L3MBTL4: variants seen among roughly 807,000 people sequenced by gnomAD.
The protein encoded by L3MBTL4 is lethal(3)malignant brain tumor-like protein 4.
A neutral mutation model predicts 84.5 loss-of-function variants in L3MBTL4; 70 were observed. The ratio of observed to expected loss-of-function variants is 0.83; its 90% CI spans 0.68 to 1.01. The LOEUF (loss-of-function observed/expected upper bound fraction) is 1.01, where lower values mean the gene tolerates loss of function less well. Among genes scored for constraint, L3MBTL4 ranks in the 50% least tolerant of loss-of-function variants. The pLI is 0.00. For synonymous variants in L3MBTL4, 274 were observed against 259.8 expected, an observed-to-expected ratio of 1.05 and a Z score of -0.52; for missense variants, 715 against 754.8, an observed-to-expected ratio of 0.95 and a Z score of 0.62.
At chr18:6,070,209 G>A (rs1169821626) in intron 16 of L3MBTL4, among the ~76,000 whole-genome samples, 2 of 152,124 alleles carry the variant, frequency 1.3e-5, no homozygotes, top group Non-Finnish European at 2.9e-5. Flanking sequence ...TAAGCACTAT[G>A]AATCCTAAAG....
At chr18:6,399,322 C>T (rs1389793756) in intron 1 of L3MBTL4, among the ~76,000 whole-genome samples, 1 of 151,982 alleles carries the variant, frequency 6.6e-6, no homozygotes, top group Non-Finnish European at 1.5e-5. Context: ...CCTATAGTCC[C>T]AGCTACTTGG....
chr18:6,141,259 G>C (rs2060186429), intron 13 of L3MBTL4, among the ~76,000 whole-genome samples: 1 of 152,016 alleles, frequency 6.6e-6, no homozygotes, highest in African/African-American at 2.4e-5. Context: ...GGATTCTTTT[G>C]TAATCTCCTT....
At chr18:6,286,912 A>C (rs934965288) in intron 4 of L3MBTL4, among the ~76,000 whole-genome samples, 4 of 152,240 alleles carry the variant, frequency 2.6e-5, no homozygotes, top group East Asian at 1.9e-4. Context: ...CTCTGTTCAC[A>C]AGGGTTCTTT....
chr18:6,000,042 G>C (rs1325875868), intron 16 of L3MBTL4, among the ~76,000 whole-genome samples: 2 of 152,030 alleles, frequency 1.3e-5, no homozygotes, highest in African/African-American at 4.8e-5. Flanking sequence ...ATAGATGTGT[G>C]TGAATAGTTA....
intron 16 of L3MBTL4, among the ~76,000 whole-genome samples, chr18:6,051,205 G>A (rs528768336): frequency 2.2e-4 from 33 of 152,322 alleles, no homozygotes; most frequent in African/African-American, 7.2e-4. Flanking sequence ...ATGAGATGCC[G>A]CTGAGGTCAT....
chr18:6,182,505 T>C (rs1471815474), intron 12 of L3MBTL4, among the ~76,000 whole-genome samples: 2 of 152,342 alleles, frequency 1.3e-5, no homozygotes, highest in Non-Finnish European at 2.9e-5. Flanking sequence ...TTTACTCTGT[T>C]AATAGTTTCT....
intron 1 of L3MBTL4, among the ~76,000 whole-genome samples, chr18:6,326,919 T>A (rs1303290313): frequency 6.6e-6 from 1 of 152,192 alleles, no homozygotes; most frequent in Admixed American, 6.5e-5. Context: ...TGACCCTGAT[T>A]TAACTGTAAT....
chr18:6,004,153 A>C (rs2054352230), intron 16 of L3MBTL4, among the ~76,000 whole-genome samples: 1 of 152,184 alleles, frequency 6.6e-6, no homozygotes, highest in Non-Finnish European at 1.5e-5. Context: ...AAGAAAAAAA[A>C]CGAATACTCA....
chr18:6,268,994 C>T (rs1163036088), intron 4 of L3MBTL4, among the ~76,000 whole-genome samples: 3 of 152,102 alleles, frequency 2.0e-5, no homozygotes, highest in Non-Finnish European at 2.9e-5. Flanking sequence ...AAACAAAATC[C>T]CTAGCTCGGG....
intron 1 of L3MBTL4, among the ~76,000 whole-genome samples, chr18:6,348,169 A>G: frequency 1.4e-5 from 2 of 138,834 alleles, no homozygotes; most frequent in East Asian, 3.9e-4. Flanking sequence ...TGAAAAAAAT[A>G]CCATATATAT....
intron 1 of L3MBTL4, chr18:6,398,053 G>A (rs1315401651): frequency 1.3e-5 from 2 of 151,790 alleles, no homozygotes; most frequent in Non-Finnish European, 2.9e-5. Context: ...AGTAATAAAT[G>A]GTGGCTTGTT....
chr18:6,283,069 G>T (rs2729742), intron 4 of L3MBTL4, among the ~76,000 whole-genome samples: 40,934 of 152,050 alleles, frequency 0.27, 7,256 homozygotes, highest in African/African-American at 0.5. Context: ...TGAGAGTGAC[G>T]TTAAATCCAG....
intron 11 of L3MBTL4, among the ~76,000 whole-genome samples, chr18:6,214,480 G>GT (rs1229726664): frequency 6.6e-6 from 1 of 152,186 alleles, no homozygotes; most frequent in African/African-American, 2.4e-5. Flanking sequence ...TGTTCAATTG[G>GT]TTTTATTGGA....
intron 13 of L3MBTL4, among the ~76,000 whole-genome samples, chr18:6,138,931 C>T (rs901028617): frequency 2.0e-5 from 3 of 152,150 alleles, no homozygotes; most frequent in Non-Finnish European, 2.9e-5. Context: ...AATGCGAATA[C>T]GTAAGGTCTG....
Position 6,411,189 on chromosome 18 carries a change from C to T in L3MBTL4, c.-91+3612G>A, listed in dbSNP as rs191442832. ...TCCCCCAAGCATCTTCTAATTTCAT[C>T]GTTCTGCTTTATTTTGCTTAAGTAC... is the stretch of plus-strand genomic sequence containing the variant. On this transcript the variant is annotated intron_variant, in intron 1 of 18. Transcript: ENST00000317931. 8.5e-5 allele frequency among the ~76,000 whole-genome samples: 13 copies of T among 152,278 alleles called. No individual in the cohort carries two copies. In the East Asian group the frequency reaches 2.3e-3, roughly 27 times the overall value.
In L3MBTL4 at chr18:6,414,419, C is replaced by G. The variant is rs1446940432; in HGVS notation, c.-91+382G>C. Among the ~76,000 whole-genome samples the G allele has an allele frequency of 6.6e-6, 1 of 152,224 alleles. No homozygotes were observed. The highest frequency in any genetic ancestry group is 1.9e-4 in the East Asian group (1 of 5,142). On this transcript the variant is annotated intron_variant, in intron 1 of 18. Transcript: ENST00000317931. The surrounding 1 kb of genome is among the most constrained non-coding windows in gnomAD (Gnocchi z 5.4). ...GCCTGGGGGCCCTCAGGAGTCCCGT[C>G]CCGTCCCGCTCCCCCGGTCCCAGGC...
intron 1 of L3MBTL4, among the ~76,000 whole-genome samples, chr18:6,406,280 C>G (rs2055731353): frequency 6.6e-6 from 1 of 152,196 alleles, no homozygotes; most frequent in Admixed American, 6.5e-5. Flanking sequence ...AATTTTATGT[C>G]TTCACCACAG....
intron 4 of L3MBTL4, among the ~76,000 whole-genome samples, chr18:6,279,078 T>C (rs1216168227): frequency 6.6e-6 from 1 of 152,082 alleles, no homozygotes; most frequent in Non-Finnish European, 1.5e-5. Flanking sequence ...ACTTTCAGCA[T>C]AGAGTTGAGA....
intron 1 of L3MBTL4, among the ~76,000 whole-genome samples, chr18:6,406,821 G>A (rs866597566): frequency 1.1e-4 from 17 of 151,714 alleles, no homozygotes; most frequent in Admixed American, 4.6e-4. Flanking sequence ...GTGTAACTAC[G>A]AAAAAAAAGC....
Sources: allele counts gnomAD v4.1 joint callset (sites outside exome capture counted in the v4.1 genomes callset), GRCh38; gene constraint gnomAD v4.1.1; non-coding constraint Gnocchi (gnomAD v3.1); transcripts MANE v1.5; gene names NCBI Gene and HGNC (gene_info 2026-07-23, HGNC 2026-07-21).